Variants in BLTP3B observed in about 807,000 individuals in gnomAD.
The protein encoded by BLTP3B is bridge-like lipid transfer protein family member 3B.
At chr12:100,113,215 C>T in the BLTP3B span, among the ~76,000 whole-genome samples, 5 of 151,756 alleles carry the variant, frequency 3.3e-5, no homozygotes, top group Admixed American at 3.3e-4. Context: ...GTGGCTCATG[C>T]CTGTAATACC....
the BLTP3B span, chr12:100,060,099 CTG>C: frequency 6.8e-6 from 9 of 1,327,620 alleles, no homozygotes; most frequent in Non-Finnish European, 9.0e-6. Context: ...TAAATCTTCC[CTG>C]AGAACAAAAA....
At chr12:100,093,959 C>A in the BLTP3B span, among the ~76,000 whole-genome samples, 1 of 152,154 alleles carries the variant, frequency 6.6e-6, no homozygotes, top group Non-Finnish European at 1.5e-5. Flanking sequence ...CTACTCATTT[C>A]TAAGACGTAA....
chr12:100,051,479 TA>T, the BLTP3B span: 2 of 301,680 alleles, frequency 6.6e-6, no homozygotes, highest in Non-Finnish European at 1.2e-5. Flanking sequence ...TCAATACTTT[TA>T]AAAAATGCCA....
At chr12:100,059,820 AATC>A in the BLTP3B span, 2 of 1,571,998 alleles carry the variant, frequency 1.3e-6, no homozygotes. Flanking sequence ...AACAAAATTA[AATC>A]ATTACTACTA....
chr12:100,106,700 C>T, the BLTP3B span, among the ~76,000 whole-genome samples: 2 of 152,190 alleles, frequency 1.3e-5, no homozygotes, highest in South Asian at 4.1e-4. Flanking sequence ...GACTTTACCA[C>T]TATACAATTC....
At chr12:100,058,237 T>C in the BLTP3B span, 5 of 1,612,868 alleles carry the variant, frequency 3.1e-6, no homozygotes, top group Non-Finnish European at 4.2e-6. Flanking sequence ...GAATCTTCTC[T>C]GTAGTTTAAG....
chr12:100,042,693 T>G, the BLTP3B span, among the ~76,000 whole-genome samples: 14 of 152,218 alleles, frequency 9.2e-5, no homozygotes, highest in Non-Finnish European at 2.1e-4. Flanking sequence ...CACCCCAACC[T>G]TCAACAACCA....
At chr12:100,084,731 A>C in the BLTP3B span, 1 of 1,426,152 alleles carries the variant, frequency 7.0e-7, no homozygotes, top group South Asian at 1.4e-5. Flanking sequence ...TAATGCTTCC[A>C]ATGAGATTTA....
the BLTP3B span, among the ~76,000 whole-genome samples, chr12:100,124,938 A>T: frequency 1.1e-4 from 3 of 26,988 alleles, no homozygotes; most frequent in Non-Finnish European, 2.1e-4. Flanking sequence ...AAAAAATTTT[A>T]TATATATATA....
the BLTP3B span, chr12:100,108,561 A>C: frequency 1.3e-6 from 2 of 1,593,194 alleles, no homozygotes; most frequent in Non-Finnish European, 1.7e-6. Context: ...GAAAGAGAAT[A>C]CACATTGACA....
the BLTP3B span, among the ~76,000 whole-genome samples, chr12:100,079,819 C>G: frequency 6.6e-6 from 1 of 152,176 alleles, no homozygotes; most frequent in Non-Finnish European, 1.5e-5. Context: ...CAGGCCCAGG[C>G]TCCCTGTGCT....
chr12:100,097,216 T>C, the BLTP3B span: 2 of 704,108 alleles, frequency 2.8e-6, no homozygotes, highest in Middle Eastern at 4.4e-4. Flanking sequence ...TTATTTTGCA[T>C]TATTTTAATA....
At chr12:100,038,139 G>A in the BLTP3B span, among the ~76,000 whole-genome samples, 3 of 151,926 alleles carry the variant, frequency 2.0e-5, no homozygotes, top group African/African-American at 7.3e-5. Context: ...ACCTATGTAT[G>A]CCCTTTTCAT....
chr12:100,072,681 C>T, the BLTP3B span: 5 of 1,518,148 alleles, frequency 3.3e-6, no homozygotes, highest in Non-Finnish European at 4.4e-6. Flanking sequence ...CTTGGAAAAT[C>T]CTTTCCATCT....
the BLTP3B span, among the ~76,000 whole-genome samples, chr12:100,066,794 A>C: frequency 6.7e-6 from 1 of 149,320 alleles, no homozygotes; most frequent in Admixed American, 6.7e-5. Flanking sequence ...ACAGAGCAAG[A>C]CTCCATCTCA....
At chr12:100,087,158 C>CAGAAA in the BLTP3B span, among the ~76,000 whole-genome samples, 5 of 59,888 alleles carry the variant, frequency 8.3e-5, no homozygotes, top group African/African-American at 1.3e-4. Flanking sequence ...GACTCCATCT[C>CAGAAA]AAAAAAAAAA....
chr12:100,047,827 TC>T, the BLTP3B span: 1 of 1,208,486 alleles, frequency 8.3e-7, no homozygotes, highest in African/African-American at 1.6e-5. Context: ...AAAGACAAAA[TC>T]ATTTTAATAA....
chr12:100,075,053 C>T, the BLTP3B span, among the ~76,000 whole-genome samples: 2 of 151,860 alleles, frequency 1.3e-5, no homozygotes, highest in East Asian at 1.9e-4. Flanking sequence ...GCTCTGTCAC[C>T]CAGGCTGGAG....
the BLTP3B span, among the ~76,000 whole-genome samples, chr12:100,134,598 C>A: frequency 2.1e-4 from 31 of 148,388 alleles, no homozygotes; most frequent in African/African-American, 7.9e-4. Flanking sequence ...GCCTGGGCAA[C>A]AGAACGAGAC....
Sources: gnomAD v4.1 joint callset for allele counts (sites outside exome capture counted in the v4.1 genomes callset) on GRCh38, gnomAD v4.1.1 for gene constraint, MANE v1.5 for transcripts, NCBI Gene and HGNC (gene_info 2026-07-23, HGNC 2026-07-21) for gene names.